The following QTMAN variants were observed in gnomAD, a reference collection of about 807,000 sequenced individuals.
QTMAN encodes queuosine-tRNA mannosyltransferase, also known as tRNA-queuosine alpha-mannosyltransferase.
chr2:144,297,042 CCT>C, the QTMAN span, among the ~76,000 whole-genome samples: 1 of 152,074 alleles, frequency 6.6e-6, no homozygotes, highest in South Asian at 2.1e-4. Context: ...AAATTGATTT[CCT>C]CTGATACTAA....
At chr2:144,322,598 GA>G in the QTMAN span, among the ~76,000 whole-genome samples, 282 of 148,346 alleles carry the variant, frequency 1.9e-3, no homozygotes, top group African/African-American at 6.2e-3. Flanking sequence ...TGAGCAACAT[GA>G]AAAAAAAAAT....
the QTMAN span, among the ~76,000 whole-genome samples, chr2:144,096,673 G>C: frequency 3.3e-5 from 5 of 152,334 alleles, no homozygotes; most frequent in East Asian, 9.6e-4. Flanking sequence ...TTAGTGGAGA[G>C]AGTGCTCTTC....
chr2:144,014,744 T>G, the QTMAN span, among the ~76,000 whole-genome samples: 1 of 152,190 alleles, frequency 6.6e-6, no homozygotes, highest in Non-Finnish European at 1.5e-5. Flanking sequence ...TTTCCTGATG[T>G]CTGTCCTTTC....
the QTMAN span, among the ~76,000 whole-genome samples, chr2:144,057,041 A>T: frequency 6.6e-6 from 1 of 152,222 alleles, no homozygotes; most frequent in Non-Finnish European, 1.5e-5. Context: ...ATACCTGAAC[A>T]AAGGCAATCA....
chr2:144,181,408 C>G, the QTMAN span, among the ~76,000 whole-genome samples: 1 of 152,030 alleles, frequency 6.6e-6, no homozygotes, highest in Non-Finnish European at 1.5e-5. Context: ...GAAAAATGTT[C>G]AAAGAAAAGT....
the QTMAN span, among the ~76,000 whole-genome samples, chr2:144,270,442 C>T: frequency 3.9e-5 from 6 of 152,086 alleles, no homozygotes; most frequent in South Asian, 2.1e-4. Context: ...AAAGAAAACG[C>T]GGCACATATA....
At chr2:144,079,788 C>A in the QTMAN span, among the ~76,000 whole-genome samples, 1 of 152,004 alleles carries the variant, frequency 6.6e-6, no homozygotes, top group Non-Finnish European at 1.5e-5. Context: ...AAACTATGGT[C>A]AAGATAATTG....
the QTMAN span, among the ~76,000 whole-genome samples, chr2:144,062,539 G>A: frequency 2.0e-4 from 30 of 152,268 alleles, no homozygotes; most frequent in African/African-American, 6.5e-4. Context: ...CTTAATGTTA[G>A]CAGCTATTAC....
the QTMAN span, among the ~76,000 whole-genome samples, chr2:144,219,753 T>C: frequency 6.6e-6 from 1 of 151,868 alleles, no homozygotes. Flanking sequence ...GCCTGGGAGG[T>C]GGAGGTTGCA....
the QTMAN span, among the ~76,000 whole-genome samples, chr2:144,194,958 CATA>C: frequency 2.0e-5 from 3 of 152,198 alleles, no homozygotes; most frequent in African/African-American, 7.2e-5. Context: ...CAGGTTGCAA[CATA>C]ATATTTCAGA....
chr2:144,203,928 A>G, the QTMAN span, among the ~76,000 whole-genome samples: 1 of 151,874 alleles, frequency 6.6e-6, no homozygotes, highest in African/African-American at 2.4e-5. Flanking sequence ...GGTGCTGGGA[A>G]AACTGGCTAG....
chr2:144,258,785 A>C, the QTMAN span, among the ~76,000 whole-genome samples: 1 of 152,178 alleles, frequency 6.6e-6, no homozygotes, highest in Non-Finnish European at 1.5e-5. Flanking sequence ...AAAATAAAGA[A>C]ATGGAGATAT....
the QTMAN span, among the ~76,000 whole-genome samples, chr2:144,306,095 C>A: frequency 2.8e-4 from 42 of 152,320 alleles, no homozygotes; most frequent in Non-Finnish European, 4.4e-4. Context: ...ATAGTGAAAG[C>A]AACATTCTTG....
the QTMAN span, among the ~76,000 whole-genome samples, chr2:144,176,554 T>C: frequency 6.6e-6 from 1 of 152,108 alleles, no homozygotes; most frequent in Non-Finnish European, 1.5e-5. Flanking sequence ...TGTAAAATTA[T>C]CAGTATTTTT....
At chr2:144,259,802 T>C in the QTMAN span, among the ~76,000 whole-genome samples, 7 of 151,714 alleles carry the variant, frequency 4.6e-5, no homozygotes, top group African/African-American at 1.2e-4. Flanking sequence ...TTTGGGAGCA[T>C]TGGTTCCCCA....
chr2:144,213,958 G>A, the QTMAN span, among the ~76,000 whole-genome samples: 1 of 152,036 alleles, frequency 6.6e-6, no homozygotes, highest in East Asian at 1.9e-4. Context: ...CAACCCAGCA[G>A]AGTAAAATAG....
At chr2:144,197,098 T>C in the QTMAN span, among the ~76,000 whole-genome samples, 1 of 152,216 alleles carries the variant, frequency 6.6e-6, no homozygotes, top group Non-Finnish European at 1.5e-5. Context: ...CATAGCCTAT[T>C]GCTCCTAGGT....
chr2:144,313,574 T>C, the QTMAN span, among the ~76,000 whole-genome samples: 1 of 152,160 alleles, frequency 6.6e-6, no homozygotes, highest in Non-Finnish European at 1.5e-5. Flanking sequence ...ACCTTAAAGA[T>C]TAGTATTATT....
chr2:144,021,458 C>T, the QTMAN span, among the ~76,000 whole-genome samples: 1 of 152,046 alleles, frequency 6.6e-6, no homozygotes, highest in South Asian at 2.1e-4. Context: ...AAAAAGTAAA[C>T]CAAGGAAGAG....
Sources: gnomAD v4.1 joint callset for allele counts (sites outside exome capture counted in the v4.1 genomes callset) on GRCh38, gnomAD v4.1.1 for gene constraint, MANE v1.5 for transcripts, NCBI Gene and HGNC (gene_info 2026-07-23, HGNC 2026-07-21) for gene names.